Variants in KDM4C observed in about 807,000 individuals in gnomAD.
KDM4C encodes the protein lysine-specific demethylase 4C.
KDM4C carries 81 observed loss-of-function variants against 129.3 expected under a neutral mutation model. The observed-to-expected ratio is 0.63, with a 90% CI of 0.52 to 0.75. The LOEUF (loss-of-function observed/expected upper bound fraction) is 0.75, where lower values mean the gene tolerates loss of function less well. Among genes scored for constraint, KDM4C ranks in the 30% least tolerant of loss-of-function variants. The pLI, the probability that KDM4C is intolerant of heterozygous loss-of-function variation, is 0.00. For synonymous variants in KDM4C, 573 were observed against 456.1 expected, an observed-to-expected ratio of 1.26 and a Z score of -3.26; for missense variants, 1,457 against 1,304.0, an observed-to-expected ratio of 1.12 and a Z score of -1.81.
intron 8 of KDM4C, among the ~76,000 whole-genome samples, chr9:6,901,690 C>G (rs879345124): frequency 6.6e-6 from 1 of 152,126 alleles, no homozygotes; most frequent in Admixed American, 6.5e-5. Context: ...GAAAGGGGCT[C>G]TGCCTGTGGA....
At position 6,980,947 on chromosome 9, in the gene KDM4C, T is replaced by G. The variant is rs1255308550; in HGVS notation, c.944T>G (p.Val315Gly). The change falls in exon 9 of 22, where the codon GTG becomes GGG. Residue 315 changes from valine to glycine, a missense_variant. Physicochemically the swap from Val to Gly is moderately radical, Grantham distance 109 (BLOSUM62 -3). Coordinates refer to ENST00000381309, the MANE Select transcript of KDM4C (RefSeq NM_015061.6). ...CAGTGCACTTGCAGGAAAGACATGGTGAAGATTTCAATGGATATCTTTGTG... is the reference window on the plus strand; with the variant it reads ...CAGTGCACTTGCAGGAAAGACATGGGGAAGATTTCAATGGATATCTTTGTG... Reference protein sequence around the residue: ...AKLCTCRKDMVKISMDIFVRK... With the variant: ...AKLCTCRKDMGKISMDIFVRK... The G allele has an allele frequency of 6.2e-7, 1 of 1,613,520 alleles. No homozygotes were observed. The highest frequency in any genetic ancestry group is 8.5e-7 in the Non-Finnish European group (1 of 1,179,738).
chr9:6,935,162 G>C lies in KDM4C; in HGVS notation c.921+41930G>C, dbSNP rs186240493. On this transcript the variant is annotated intron_variant, in intron 8 of 21. Coordinates refer to ENST00000381309, the MANE Select transcript of KDM4C (RefSeq NM_015061.6). ...ACCACCACCAGCTTTTCTTCCTACT[G>C]TTTTTTAGAATATAAAAGATAATAT... is the stretch of plus-strand genomic sequence containing the variant. Among the ~76,000 whole-genome samples, 620 of 151,992 alleles carry C rather than the reference G, an allele frequency of 4.1e-3. 4 individuals are homozygous for C. The highest frequency in any genetic ancestry group is 0.014 in the African/African-American group (562 of 41,462).
At chr9:6,805,259 A>C (rs1412173002) in intron 2 of KDM4C, among the ~76,000 whole-genome samples, 1 of 152,012 alleles carries the variant, frequency 6.6e-6, no homozygotes, top group Non-Finnish European at 1.5e-5. Context: ...AACTGTTTTA[A>C]TTAGAATTTC....
chr9:6,849,544 T>A lies in KDM4C; in HGVS notation c.473T>A (p.Val158Asp). Residue 158 changes from valine to aspartate, a missense_variant, in exon 5 of 22, where the codon GTC (valine) becomes GAC (aspartate). By Grantham distance (152) the Val-to-Asp change is radical (BLOSUM62 -3). Transcript: ENST00000381309. Reference sequence around the variant, plus strand: ...TGGAACATAGCTCGCCTCAATACAGTCTTGGATGTGGTTGAAGAAGAGTGT... The same window carrying A: ...TGGAACATAGCTCGCCTCAATACAGACTTGGATGTGGTTGAAGAAGAGTGT... The part of the protein sequence containing the change: ...DEWNIARLNT[V>D]LDVVEEECGI... 6.2e-7 allele frequency: 1 copy of A among 1,612,646 alleles called. No individual in the cohort carries two copies. The highest frequency in any genetic ancestry group is 1.1e-5 in the South Asian group (1 of 90,928).
intron 15 of KDM4C, among the ~76,000 whole-genome samples, chr9:7,043,257 T>G (rs1828887621): frequency 6.6e-6 from 1 of 152,008 alleles, no homozygotes; most frequent in South Asian, 2.1e-4. Context: ...GTTTAATGAC[T>G]CAGTGTCTTG....
At chr9:7,054,423 A>C (rs978150832) in intron 17 of KDM4C, among the ~76,000 whole-genome samples, 1 of 152,252 alleles carries the variant, frequency 6.6e-6, no homozygotes, top group Non-Finnish European at 1.5e-5. Flanking sequence ...ACAAGGGAAC[A>C]TAGAGATATA....
chr9:6,736,746 A>G (rs1372914020), intron 1 of KDM4C, among the ~76,000 whole-genome samples: 1 of 152,150 alleles, frequency 6.6e-6, no homozygotes, highest in Non-Finnish European at 1.5e-5. Context: ...AGGATACAAA[A>G]TCAGTATACA....
chr9:6,977,997 A>G (rs115950131), intron 8 of KDM4C, among the ~76,000 whole-genome samples: 2,596 of 152,338 alleles, frequency 0.017, 66 homozygotes, highest in African/African-American at 0.059. Context: ...TCTTGTGGTC[A>G]GGTTACCAAA....
At chr9:6,917,266 C>G (rs574153878) in intron 8 of KDM4C, among the ~76,000 whole-genome samples, 1 of 152,056 alleles carries the variant, frequency 6.6e-6, no homozygotes, top group African/African-American at 2.4e-5. Context: ...GCATGCCTTC[C>G]TCTGATCTAC....
chr9:7,081,536 T>G (rs984504844), intron 17 of KDM4C, among the ~76,000 whole-genome samples: 23 of 152,290 alleles, frequency 1.5e-4, no homozygotes, highest in African/African-American at 5.5e-4. Flanking sequence ...TCACAGGTAG[T>G]GCTGCCCCAT....
intron 4 of KDM4C, among the ~76,000 whole-genome samples, chr9:6,840,270 G>C (rs935783058): frequency 2.6e-5 from 4 of 151,752 alleles, no homozygotes; most frequent in Admixed American, 2.0e-4. Flanking sequence ...ATGGGGTTTT[G>C]CTATGTTGTC....
chr9:7,049,277 A>G, intron 17 of KDM4C, 77 bp downstream of exon 17: 1 of 668,322 alleles, frequency 1.5e-6, no homozygotes. Flanking sequence ...TAATGCACAC[A>G]TTCCCAAGGT....
chr9:6,904,819 G>A (rs1391551568), intron 8 of KDM4C, among the ~76,000 whole-genome samples: 1 of 152,066 alleles, frequency 6.6e-6, no homozygotes, highest in African/African-American at 2.4e-5. Flanking sequence ...TGGAAGATAC[G>A]AGAGGAAAAA....
chr9:6,920,241 G>T (rs569245373), intron 8 of KDM4C, among the ~76,000 whole-genome samples: 32 of 152,228 alleles, frequency 2.1e-4, no homozygotes, highest in South Asian at 1.9e-3. Flanking sequence ...AGGATCAGTT[G>T]TGCCATGACT....
At chr9:6,761,599 C>T (rs187700600) in intron 1 of KDM4C, among the ~76,000 whole-genome samples, 212 of 152,068 alleles carry the variant, frequency 1.4e-3, no homozygotes, top group African/African-American at 4.2e-3. Flanking sequence ...GGATGACAGG[C>T]GTGAGCCACT....
intron 21 of KDM4C, among the ~76,000 whole-genome samples, chr9:7,174,304 C>G (rs1365153185): frequency 2.0e-5 from 3 of 151,816 alleles, no homozygotes; most frequent in Admixed American, 2.0e-4. Context: ...TTTAATCTTG[C>G]TTTTGTTTGG....
intron 15 of KDM4C, among the ~76,000 whole-genome samples, chr9:7,037,374 A>C (rs374259066): frequency 6.6e-6 from 1 of 152,186 alleles, no homozygotes; most frequent in Admixed American, 6.5e-5. Flanking sequence ...GTTTTATAGA[A>C]GAGACATTGG....
chr9:6,825,472 A>G (rs1778403973), intron 4 of KDM4C, among the ~76,000 whole-genome samples: 1 of 152,166 alleles, frequency 6.6e-6, no homozygotes, highest in Non-Finnish European at 1.5e-5. Context: ...ATCTTTATTT[A>G]TTGGCCTTCA....
intron 4 of KDM4C, among the ~76,000 whole-genome samples, chr9:6,841,130 G>T (rs183578821): frequency 6.6e-6 from 1 of 152,274 alleles, no homozygotes; most frequent in Admixed American, 6.5e-5. Flanking sequence ...CAGAATCTAG[G>T]TGGCAGATCT....
Sources: gnomAD v4.1 joint callset for allele counts (sites outside exome capture counted in the v4.1 genomes callset) on GRCh38, gnomAD v4.1.1 for gene constraint, MANE v1.5 for transcripts, NCBI Gene and HGNC (gene_info 2026-07-23, HGNC 2026-07-21) for gene names.